Variants in SCARA5 observed in about 807,000 individuals in gnomAD.
SCARA5 encodes scavenger receptor class A member 5.
In SCARA5, 45 loss-of-function variants were observed where a neutral mutation model predicts 46.3. The observed-to-expected ratio is 0.97, with a 90% confidence interval of 0.76 to 1.24. SCARA5 has a LOEUF of 1.24. Among genes scored for constraint, SCARA5 ranks in the 50% most tolerant of loss-of-function variants. The pLI is 0.00. For missense variants in SCARA5, 680 were observed against 689.0 expected, an observed-to-expected ratio of 0.99 and a Z score of 0.15; for synonymous variants, 333 against 306.5, an observed-to-expected ratio of 1.09 and a Z score of -0.90.
chr8:27,947,678 A>G (rs1226637378), intron 3 of SCARA5, among the ~76,000 whole-genome samples: 5 of 150,844 alleles, frequency 3.3e-5, no homozygotes, highest in Non-Finnish European at 7.4e-5. Flanking sequence ...GTCCGAGACC[A>G]GCCTGAACAT....
At chr8:27,979,907 GAGA>G (rs1339245734) in intron 2 of SCARA5, among the ~76,000 whole-genome samples, 1 of 152,122 alleles carries the variant, frequency 6.6e-6, no homozygotes, top group Non-Finnish European at 1.5e-5. Context: ...CCCCACAACA[GAGA>G]AGGTGAGACT....
intron 3 of SCARA5, among the ~76,000 whole-genome samples, chr8:27,959,090 C>A (rs1047238802): frequency 6.6e-6 from 1 of 151,948 alleles, no homozygotes; most frequent in Non-Finnish European, 1.5e-5. Flanking sequence ...AAAATTAGCC[C>A]GGCTTGGTGG....
chr8:27,972,807 T>C (rs895768658), intron 2 of SCARA5, among the ~76,000 whole-genome samples: 1 of 105,226 alleles, frequency 9.5e-6, no homozygotes, highest in Admixed American at 1.1e-4. Flanking sequence ...AAGGCTGTAG[T>C]GAGCTGTGTC....
At chr8:27,895,896 C>T (rs558592808) in intron 7 of SCARA5, among the ~76,000 whole-genome samples, 2 of 152,284 alleles carry the variant, frequency 1.3e-5, no homozygotes, top group East Asian at 1.9e-4. Flanking sequence ...TTCCTGGCTA[C>T]CCGGTGTTCA....
chr8:27,965,646 T>C (rs1808357668), intron 3 of SCARA5, among the ~76,000 whole-genome samples: 1 of 152,196 alleles, frequency 6.6e-6, no homozygotes, highest in African/African-American at 2.4e-5. Flanking sequence ...GTGAGACATG[T>C]TGGGTGGAAA....
At chr8:27,981,928 T>C (rs957808421) in intron 2 of SCARA5, among the ~76,000 whole-genome samples, 1 of 151,868 alleles carries the variant, frequency 6.6e-6, no homozygotes, top group African/African-American at 2.4e-5. Flanking sequence ...TCCCAGGAAA[T>C]CCATTCCCAT....
intron 6 of SCARA5, 91 bp downstream of exon 6, chr8:27,907,057 G>A (rs892496315): frequency 8.3e-6 from 7 of 847,060 alleles, no homozygotes; most frequent in Non-Finnish European, 1.3e-5. Flanking sequence ...CCGTGGCACA[G>A]TGAAGATAAG....
At chr8:27,947,789 T>G (rs1808061809) in intron 3 of SCARA5, among the ~76,000 whole-genome samples, 1 of 151,714 alleles carries the variant, frequency 6.6e-6, no homozygotes, top group East Asian at 1.9e-4. Context: ...GCAGGAGAAT[T>G]GCTTGAACCC....
rs1808326566 is a variant in SCARA5, at chr8:27,963,913, T to G, written c.241+2501A>C. On this transcript the variant is annotated intron_variant, in intron 3 of 8. Transcript: ENST00000354914. ...TGAGATTTGCATTGACAAGGAGGTT[T>G]TAAGAATGGTTTAAATGGATCTCCT... is the stretch of plus-strand genomic sequence containing the variant. Among the ~76,000 whole-genome samples, 4 of 152,046 alleles carry G rather than the reference T, an allele frequency of 2.6e-5. No homozygotes were observed. In the South Asian group the frequency reaches 8.3e-4, roughly 32 times the overall value.
intron 2 of SCARA5, among the ~76,000 whole-genome samples, chr8:27,969,299 CT>C (rs1189826160): frequency 6.6e-6 from 1 of 152,156 alleles, no homozygotes; most frequent in Admixed American, 6.5e-5. Context: ...CGTATGCCTA[CT>C]TTTTTGTTAA....
Position 27,871,414 on chromosome 8 carries a change from C to G in SCARA5, c.*520G>C. 1.0e-6 allele frequency: 1 copy of G among 987,668 alleles called. No homozygotes were observed. Among genetic ancestry groups the G allele is most frequent in the African/African-American group, 1.7e-5 (1 of 57,404 alleles). 61.2% of individuals were successfully genotyped at this position (987,668 alleles called of 1,614,324 possible). A position where few individuals can be genotyped will look rare whatever the true frequency, so the allele number is the denominator to read the frequency against. The stretch of plus-strand genomic sequence containing the variant: ...CCTCTATGTCACTTCCTCAAACTAG[C>G]AAATGGGGAGCAGAGGCAGAGTAAA... On this transcript the variant is annotated 3_prime_UTR_variant, in exon 9 of 9. Coordinates refer to ENST00000354914, the MANE Select transcript of SCARA5 (RefSeq NM_173833.6).
chr8:27,895,488 T>C (rs1300791793), intron 7 of SCARA5, among the ~76,000 whole-genome samples: 1 of 152,248 alleles, frequency 6.6e-6, no homozygotes, highest in African/African-American at 2.4e-5. Flanking sequence ...CTAATGCCAA[T>C]CTGCTCTTAA....
chr8:27,870,437 G>A lies in SCARA5; in HGVS notation c.*1497C>T, dbSNP rs1806617867. 1 of 152,488 alleles carries A rather than the reference G, an allele frequency of 6.6e-6. No individual in the cohort carries two copies. The highest frequency in any genetic ancestry group is 1.5e-5 in the Non-Finnish European group (1 of 68,020). The allele number at this position is 152,488 out of a possible 1,614,324, so 9.4% of individuals were successfully genotyped here. A position where few individuals can be genotyped will look rare whatever the true frequency, so the allele number is the denominator to read the frequency against. On this transcript the variant is annotated 3_prime_UTR_variant, in exon 9 of 9. Coordinates refer to ENST00000354914, the MANE Select transcript of SCARA5 (RefSeq NM_173833.6). ...ATATTGGAAGCAAGAATGACCTAGG[G>A]CCATATTGGCTTAGTTGTCAGCCAG... is the stretch of plus-strand genomic sequence containing the variant.
intron 3 of SCARA5, among the ~76,000 whole-genome samples, chr8:27,942,676 G>A (rs1389353880): frequency 6.6e-6 from 1 of 152,168 alleles, no homozygotes; most frequent in African/African-American, 2.4e-5. Flanking sequence ...CGGTACTGCA[G>A]AAGTGTTACG....
At chr8:27,987,476 G>T in intron 2 of SCARA5, 28 bp downstream of exon 2, 2 of 1,524,878 alleles carry the variant, frequency 1.3e-6, no homozygotes, top group Non-Finnish European at 1.8e-6. Context: ...CAGATCTTGT[G>T]CCCCAAGTCT....
intron 4 of SCARA5, among the ~76,000 whole-genome samples, chr8:27,920,600 G>A (rs185704409): frequency 3.6e-5 from 5 of 138,106 alleles, no homozygotes; most frequent in African/African-American, 1.1e-4. Context: ...GCGACAGAGC[G>A]AGACTCCATC....
chr8:27,985,963 G>A (rs1808699378), intron 2 of SCARA5, among the ~76,000 whole-genome samples: 1 of 152,198 alleles, frequency 6.6e-6, no homozygotes, highest in African/African-American at 2.4e-5. Context: ...GTAAGATGAG[G>A]TACTAGGAAG....
intron 7 of SCARA5, among the ~76,000 whole-genome samples, chr8:27,899,068 G>A (rs563210972): frequency 1.3e-5 from 2 of 152,180 alleles, no homozygotes; most frequent in African/African-American, 4.8e-5. Flanking sequence ...TGTGAGTTGG[G>A]TTCTAGCAAA....
chr8:27,978,246 G>C (rs1808558890), intron 2 of SCARA5, among the ~76,000 whole-genome samples: 1 of 150,288 alleles, frequency 6.7e-6, no homozygotes, highest in Non-Finnish European at 1.5e-5. Flanking sequence ...GGCCAGGTTG[G>C]TTTCGAACTC....
Sources: gnomAD v4.1 joint callset for allele counts (sites outside exome capture counted in the v4.1 genomes callset) on GRCh38, gnomAD v4.1.1 for gene constraint, MANE v1.5 for transcripts, NCBI Gene and HGNC (gene_info 2026-07-23, HGNC 2026-07-21) for gene names.